The following XRCC5 variants were observed in gnomAD, a reference collection of about 807,000 sequenced individuals.
The protein encoded by XRCC5 is DNA repair protein Ku80.
XRCC5 carries 12 observed loss-of-function variants against 95.7 expected under a neutral mutation model. That is an observed-to-expected ratio of 0.13 (90% CI 0.08 to 0.20). The LOEUF is 0.20. XRCC5 is among the 10% of genes least tolerant of loss of function. XRCC5 has a pLI of 1.00. For missense variants in XRCC5, 595 were observed against 873.9 expected (o/e 0.68, Z 4.02); for synonymous variants, 281 against 290.3 (o/e 0.97, Z 0.33).
chr2:216,203,923 C>T (rs1036946418), intron 19 of XRCC5: 2 of 149,590 alleles, frequency 1.3e-5, no homozygotes, highest in African/African-American at 5.2e-5. Flanking sequence ...TTCTCATGCT[C>T]CTTTCAAAAG....
Position 216,125,959 on chromosome 2 carries a change from G to A in XRCC5, c.726G>A (p.Arg242=). The change falls in exon 7 of 21, where the codon AGG becomes AGA. Residue 242 remains arginine, a synonymous_variant. Transcript: ENST00000392132. ...TGTGCGTCTTCAAGAAAATTGAGAG[G>A]CATTCCATTCACTGGCCCTGCCGAC... is the stretch of plus-strand genomic sequence containing the variant. The part of the protein sequence containing the change: ...RKLCVFKKIE[R]HSIHWPCRLT... 1.9e-6 allele frequency: 3 copies of A among 1,613,892 alleles called. No homozygotes were observed. The highest frequency in any genetic ancestry group is 1.1e-5 in the South Asian group (1 of 91,080).
intron 5 of XRCC5, among the ~76,000 whole-genome samples, chr2:216,120,706 T>C (rs1294456397): frequency 6.6e-6 from 1 of 151,780 alleles, no homozygotes; most frequent in African/African-American, 2.4e-5. Context: ...TAGATGCATG[T>C]TACCACACCC....
At chr2:216,182,591 C>T (rs893298916) in intron 16 of XRCC5, among the ~76,000 whole-genome samples, 2 of 152,168 alleles carry the variant, frequency 1.3e-5, no homozygotes, top group African/African-American at 4.8e-5. Context: ...CTTCACCCCC[C>T]ACCACAACAC....
Position 216,190,323 on chromosome 2 carries a change from G to C in XRCC5, c.1933G>C (p.Glu645Gln). Residue 645 changes from glutamate to glutamine, a missense_variant, in exon 17 of 21, where the codon GAA becomes CAA. Around this residue, in one of 2 missense-constraint regions of XRCC5, gnomAD observed 309 missense variants for 382.9 expected, o/e 0.81. Transcript: ENST00000392132. The part of the protein sequence containing the change: ...SIDCIRAFRE[E>Q]AIKFSEEQRF... Reference sequence around the variant, plus strand: ...AGACTGCATCCGAGCCTTCCGGGAAGAAGCCATTAAGGTAATGCTATCCTA... The same window carrying C: ...AGACTGCATCCGAGCCTTCCGGGAACAAGCCATTAAGGTAATGCTATCCTA... 3 of 1,612,866 alleles carry C rather than the reference G, an allele frequency of 1.9e-6. No homozygotes were observed. Among genetic ancestry groups the C allele is most frequent in the Non-Finnish European group, 2.5e-6 (3 of 1,179,594 alleles).
At chr2:216,120,971 A>G (rs948156962) in intron 5 of XRCC5, among the ~76,000 whole-genome samples, 4 of 152,112 alleles carry the variant, frequency 2.6e-5, no homozygotes, top group Non-Finnish European at 4.4e-5. Context: ...CCGGACCTCA[A>G]GTGATCCACC....
intron 16 of XRCC5, among the ~76,000 whole-genome samples, chr2:216,176,355 GT>G (rs1204775878): frequency 2.6e-5 from 4 of 152,176 alleles, no homozygotes; most frequent in African/African-American, 9.7e-5. Context: ...CTGACCTCAA[GT>G]GATCCACCCA....
chr2:216,189,263 T>C (rs1005614885), intron 16 of XRCC5, among the ~76,000 whole-genome samples: 9 of 152,208 alleles, frequency 5.9e-5, no homozygotes, highest in African/African-American at 2.2e-4. Flanking sequence ...CAGGCAGTCA[T>C]AGAATATCTT....
chr2:216,152,335 G>A (rs929975540), intron 14 of XRCC5, among the ~76,000 whole-genome samples: 3 of 152,118 alleles, frequency 2.0e-5, no homozygotes, highest in African/African-American at 7.2e-5. Context: ...AGCCACTCGG[G>A]AGGCTGAGGC....
intron 16 of XRCC5, among the ~76,000 whole-genome samples, chr2:216,170,037 CAAAAAAAAAAAAAAAAAAAAAAA>C (rs71047982): frequency 1.9e-5 from 1 of 53,606 alleles, no homozygotes; most frequent in Admixed American, 3.5e-4. Flanking sequence ...GACTGTGTCT[CAAAAAAAAAAAAAAAAAAAAAAA>C]AAAAAAAAAA....
intron 14 of XRCC5, among the ~76,000 whole-genome samples, chr2:216,150,139 T>C (rs1688716202): frequency 6.6e-6 from 1 of 152,190 alleles, no homozygotes; most frequent in African/African-American, 2.4e-5. Flanking sequence ...CAATTCGCAA[T>C]GTTTTTGTAT....
At chr2:216,122,420 T>C (rs1457813564) in intron 6 of XRCC5, among the ~76,000 whole-genome samples, 167 bp downstream of exon 6, 1 of 152,224 alleles carries the variant, frequency 6.6e-6, no homozygotes, top group African/African-American at 2.4e-5. Context: ...TTAATCACCC[T>C]TTTTAAAGTT....
At chr2:216,178,022 A>G (rs1689310309) in intron 16 of XRCC5, among the ~76,000 whole-genome samples, 1 of 152,190 alleles carries the variant, frequency 6.6e-6, no homozygotes, top group African/African-American at 2.4e-5. Flanking sequence ...CTTTTTCACC[A>G]CTGCTCTTTA....
intron 14 of XRCC5, among the ~76,000 whole-genome samples, chr2:216,150,836 C>T (rs1312369669): frequency 1.3e-5 from 2 of 152,120 alleles, no homozygotes; most frequent in Non-Finnish European, 2.9e-5. Context: ...TTGCAGTGAG[C>T]TGAGATCATG....
At chr2:216,169,635 C>G (rs891980572) in intron 16 of XRCC5, among the ~76,000 whole-genome samples, 1 of 152,146 alleles carries the variant, frequency 6.6e-6, no homozygotes, top group Non-Finnish European at 1.5e-5. Context: ...CGACTTAACC[C>G]TTGCCTGGCA....
intron 6 of XRCC5, among the ~76,000 whole-genome samples, chr2:216,122,681 T>C (rs1202591176): frequency 1.3e-5 from 2 of 152,120 alleles, no homozygotes; most frequent in Non-Finnish European, 2.9e-5. Context: ...CTATTAAGGT[T>C]TTAGAAAGTA....
chr2:216,171,626 T>A (rs1456765829), intron 16 of XRCC5, among the ~76,000 whole-genome samples: 1 of 152,244 alleles, frequency 6.6e-6, no homozygotes. Flanking sequence ...CTCAGGATAA[T>A]ATGGTATTTC....
intron 19 of XRCC5, among the ~76,000 whole-genome samples, chr2:216,196,907 A>G (rs1443247162): frequency 6.6e-6 from 1 of 152,196 alleles, no homozygotes; most frequent in Non-Finnish European, 1.5e-5. Context: ...AGACCTATCA[A>G]TCAATTTTTG....
intron 19 of XRCC5, among the ~76,000 whole-genome samples, chr2:216,199,810 CTTT>C (rs375975027): frequency 0.021 from 2,562 of 120,172 alleles, 75 homozygotes; most frequent in African/African-American, 0.075. Context: ...GCATTGGGAT[CTTT>C]TTTTTTTTTT....
At chr2:216,130,113 T>G (rs1268450852) in intron 8 of XRCC5, among the ~76,000 whole-genome samples, 1 of 152,194 alleles carries the variant, frequency 6.6e-6, no homozygotes. Context: ...GCTTTTCCTT[T>G]GCATTTGTCC....
Sources: gnomAD v4.1 joint callset for allele counts (sites outside exome capture counted in the v4.1 genomes callset) on GRCh38, gnomAD v4.1.1 for gene constraint, gnomAD v4.1.1 regional missense constraint, MANE v1.5 for transcripts, NCBI Gene and HGNC (gene_info 2026-07-23, HGNC 2026-07-21) for gene names.